MACROD2: variants seen among roughly 807,000 people sequenced by gnomAD.
MACROD2 encodes mono-ADP ribosylhydrolase 2, also known as ADP-ribose glycohydrolase MACROD2.
In MACROD2, 36 loss-of-function variants were observed where a neutral mutation model predicts 70.4. The observed-to-expected ratio is 0.51, with a 90% CI of 0.39 to 0.68. The LOEUF (loss-of-function observed/expected upper bound fraction) is 0.68. MACROD2 is among the 30% of genes least tolerant of loss of function. The probability of loss-of-function intolerance (pLI) is 0.00; values close to 1 mark genes in which losing one functional copy is unlikely to be tolerated. For synonymous variants in MACROD2, 172 were observed against 178.8 expected (o/e 0.96, Z 0.30); for missense variants, 496 against 538.4 (o/e 0.92, Z 0.78).
At chr20:14,335,316 G>C (rs933859416) in intron 3 of MACROD2, among the ~76,000 whole-genome samples, 1 of 152,176 alleles carries the variant, frequency 6.6e-6, no homozygotes. Flanking sequence ...ATATAGTCTA[G>C]AGAAGAAACT....
intron 5 of MACROD2, among the ~76,000 whole-genome samples, chr20:15,050,519 C>G (rs1031242688): frequency 8.0e-6 from 1 of 124,316 alleles, no homozygotes; most frequent in African/African-American, 3.0e-5. Flanking sequence ...TCTTTTTACA[C>G]TTTCTATTTA....
At chr20:15,974,936 A>G (rs1199301081) in intron 13 of MACROD2, among the ~76,000 whole-genome samples, 1 of 152,160 alleles carries the variant, frequency 6.6e-6, no homozygotes, top group Non-Finnish European at 1.5e-5. Context: ...ATAAATGTTG[A>G]CATAATGAGT....
chr20:14,733,556 A>T (rs959983339), intron 5 of MACROD2, among the ~76,000 whole-genome samples: 4 of 152,210 alleles, frequency 2.6e-5, no homozygotes, highest in African/African-American at 9.7e-5. Flanking sequence ...ATGGAGAAGA[A>T]TTACAGCATA....
intron 5 of MACROD2, among the ~76,000 whole-genome samples, chr20:14,876,812 A>T (rs1056964413): frequency 6.6e-6 from 1 of 151,964 alleles, no homozygotes; most frequent in Non-Finnish European, 1.5e-5. Context: ...GTTTTGTTTC[A>T]CTGGCCTATG....
At chr20:14,809,703 GAA>G (rs1555833251) in intron 5 of MACROD2, among the ~76,000 whole-genome samples, 1 of 151,782 alleles carries the variant, frequency 6.6e-6, no homozygotes, top group Non-Finnish European at 1.5e-5. Flanking sequence ...TAAAAAAGAA[GAA>G]AAGAGAGAAG....
At chr20:15,468,256 C>T (rs1048624109) in intron 7 of MACROD2, among the ~76,000 whole-genome samples, 1 of 151,542 alleles carries the variant, frequency 6.6e-6, no homozygotes, top group Non-Finnish European at 1.5e-5. Flanking sequence ...AAGTACTGAA[C>T]ATGTCAAGAG....
At chr20:14,572,493 G>A (rs1207481605) in intron 4 of MACROD2, among the ~76,000 whole-genome samples, 1 of 152,060 alleles carries the variant, frequency 6.6e-6, no homozygotes, top group African/African-American at 2.4e-5. Flanking sequence ...CTCGATGGCA[G>A]CAAGTACTCT....
At chr20:15,541,989 A>G (rs536636125) in intron 8 of MACROD2, among the ~76,000 whole-genome samples, 3 of 152,318 alleles carry the variant, frequency 2.0e-5, no homozygotes, top group African/African-American at 4.8e-5. Context: ...TATGGGCACT[A>G]TCTTTAGGCA....
At chr20:14,305,835 G>C (rs1294763993) in intron 3 of MACROD2, among the ~76,000 whole-genome samples, 1 of 151,700 alleles carries the variant, frequency 6.6e-6, no homozygotes, top group African/African-American at 2.4e-5. Flanking sequence ...GAAAGATTTT[G>C]TTACATATTT....
chr20:14,144,309 T>C (rs2054916626), intron 3 of MACROD2, among the ~76,000 whole-genome samples: 1 of 152,240 alleles, frequency 6.6e-6, no homozygotes, highest in Non-Finnish European at 1.5e-5. Flanking sequence ...CACCGCTTTT[T>C]ATAACTTAAG....
chr20:14,007,528 A>G (rs1019707306), intron 2 of MACROD2, among the ~76,000 whole-genome samples: 12 of 152,214 alleles, frequency 7.9e-5, no homozygotes, highest in South Asian at 2.1e-4. Flanking sequence ...TATAAAATAC[A>G]TAGAATTACT....
intron 6 of MACROD2, among the ~76,000 whole-genome samples, chr20:15,293,159 T>C (rs2077556276): frequency 6.6e-6 from 1 of 152,232 alleles, no homozygotes; most frequent in Non-Finnish European, 1.5e-5. Flanking sequence ...ATAGAATAAG[T>C]CGATAATCCC....
chr20:15,050,007 C>T lies in MACROD2; in HGVS notation c.419-179933C>T, dbSNP rs187834970. ...TTTTGGTCTTGTCTTCATAATCTAC[C>T]TGTGTTTCATACCATAGAAAGCTTC... On this transcript the variant is annotated intron_variant, in intron 5 of 17. Transcript: ENST00000684519. 7.9e-5 allele frequency among the ~76,000 whole-genome samples: 12 copies of T among 152,022 alleles called. 1 individual carries two copies. The South Asian group carries it at 1.9e-3, about 24-fold the overall frequency.
At chr20:15,772,190 C>T (rs1321245782) in intron 8 of MACROD2, among the ~76,000 whole-genome samples, 1 of 149,126 alleles carries the variant, frequency 6.7e-6, no homozygotes. Flanking sequence ...AACACGTGGT[C>T]AAGCTCTTTG....
At chr20:14,327,039 G>C (rs770123946) in intron 3 of MACROD2, 1 of 1,613,768 alleles carries the variant, frequency 6.2e-7, no homozygotes, top group Non-Finnish European at 8.5e-7. Context: ...AAAGCAGTCG[G>C]AGATAGTTGC....
chr20:15,205,829 T>C (rs2076696665), intron 5 of MACROD2, among the ~76,000 whole-genome samples: 1 of 152,272 alleles, frequency 6.6e-6, no homozygotes, highest in African/African-American at 2.4e-5. Context: ...AAGGGATTTA[T>C]ACTCCAGCTT....
intron 6 of MACROD2, among the ~76,000 whole-genome samples, chr20:15,234,514 A>T (rs1187980089): frequency 6.6e-6 from 1 of 152,108 alleles, no homozygotes; most frequent in Non-Finnish European, 1.5e-5. Context: ...AGACAAAGAT[A>T]TAGCTGTCAA....
intron 15 of MACROD2, among the ~76,000 whole-genome samples, chr20:16,027,559 A>T (rs2147572012): frequency 6.6e-6 from 1 of 152,352 alleles, no homozygotes; most frequent in South Asian, 2.1e-4. Flanking sequence ...GAAGTTTCAA[A>T]GAATTCAGCC....
At chr20:14,590,083 A>G (rs1390908724) in intron 4 of MACROD2, among the ~76,000 whole-genome samples, 1 of 152,150 alleles carries the variant, frequency 6.6e-6, no homozygotes, top group Non-Finnish European at 1.5e-5. Flanking sequence ...TTATATTTTT[A>G]ATATTTAATA....
Sources: allele counts gnomAD v4.1 joint callset (sites outside exome capture counted in the v4.1 genomes callset), GRCh38; gene constraint gnomAD v4.1.1; transcripts MANE v1.5; gene names NCBI Gene and HGNC (gene_info 2026-07-23, HGNC 2026-07-21).